The following GTF2IRD1 variants were observed in gnomAD, a reference collection of about 807,000 sequenced individuals.
GTF2IRD1 encodes the protein general transcription factor II-I repeat domain-containing protein 1.
In GTF2IRD1, 26 loss-of-function variants were observed where a neutral mutation model predicts 113.2. The ratio of observed to expected loss-of-function variants is 0.23; its 90% CI spans 0.17 to 0.32. The LOEUF is 0.32. Among genes scored for constraint, GTF2IRD1 ranks in the 10% least tolerant of loss-of-function variants. GTF2IRD1 has a pLI of 1.00. For synonymous variants in GTF2IRD1, 484 were observed against 529.1 expected (o/e 0.91, Z 1.17); for missense variants, 864 against 1,280.8 (o/e 0.67, Z 4.97).
At chr7:74,581,330 T>C (rs1250566279) in intron 22 of GTF2IRD1, among the ~76,000 whole-genome samples, 2 of 152,180 alleles carry the variant, frequency 1.3e-5, no homozygotes, top group Non-Finnish European at 2.9e-5. Context: ...GGCCCATTGC[T>C]GCTTTACAGA....
Position 74,526,714 on chromosome 7 carries a change from T to C in GTF2IRD1, c.1090+2560T>C, listed in dbSNP as rs1229965762. 2.0e-5 allele frequency among the ~76,000 whole-genome samples: 3 copies of C among 149,582 alleles called. No homozygotes were observed. In the Admixed American group the frequency reaches 2.0e-4, roughly 10 times the overall value. On this transcript the variant is annotated intron_variant, in intron 8 of 26. Coordinates refer to ENST00000424337, the MANE Select transcript of GTF2IRD1 (RefSeq NM_005685.4). ...AAAAGACAAGCCCCAATAAACCAGA[T>C]GAACCAGACGGAGACAAATTCACAG...
At chr7:74,544,316 G>C (rs111438713) in intron 14 of GTF2IRD1, among the ~76,000 whole-genome samples, 142 of 152,318 alleles carry the variant, frequency 9.3e-4, no homozygotes, top group African/African-American at 3.3e-3. Flanking sequence ...CTCCCGAGTA[G>C]CTGGGATTAC....
chr7:74,500,398 C>T (rs2129835384), intron 1 of GTF2IRD1, among the ~76,000 whole-genome samples: 1 of 145,182 alleles, frequency 6.9e-6, no homozygotes, highest in Admixed American at 6.9e-5. Flanking sequence ...GCCTGGGAAA[C>T]ATAGTGAGAC....
At chr7:74,473,687 C>G (rs1016352957) in intron 1 of GTF2IRD1, among the ~76,000 whole-genome samples, 1 of 152,034 alleles carries the variant, frequency 6.6e-6, no homozygotes, top group Non-Finnish European at 1.5e-5. Flanking sequence ...GACTGAACCT[C>G]CTGGAGTCTG....
intron 25 of GTF2IRD1, among the ~76,000 whole-genome samples, chr7:74,600,363 G>A (rs1417654541): frequency 6.6e-6 from 1 of 151,974 alleles, no homozygotes; most frequent in Admixed American, 6.6e-5. Flanking sequence ...AAGCTGCAGT[G>A]AGCTACGATT....
At chr7:74,561,247 G>A (rs1433041072) in intron 22 of GTF2IRD1, among the ~76,000 whole-genome samples, 3 of 151,614 alleles carry the variant, frequency 2.0e-5, no homozygotes, top group Admixed American at 2.0e-4. Flanking sequence ...TACTTGGGAG[G>A]CTGAGGCAGG....
At chr7:74,468,848 G>C (rs1192295202) in intron 1 of GTF2IRD1, among the ~76,000 whole-genome samples, 5 of 152,014 alleles carry the variant, frequency 3.3e-5, no homozygotes, top group Admixed American at 3.3e-4. Context: ...ACTTTGGGAG[G>C]CCAAGGCAGG....
chr7:74,564,149 C>T (rs1554359937), intron 22 of GTF2IRD1, among the ~76,000 whole-genome samples: 3 of 152,142 alleles, frequency 2.0e-5, no homozygotes, highest in South Asian at 4.1e-4. Flanking sequence ...GCCTCAGCCT[C>T]CTGAGTAGCT....
chr7:74,481,895 G>A (rs1794759964), intron 1 of GTF2IRD1, among the ~76,000 whole-genome samples: 1 of 152,208 alleles, frequency 6.6e-6, no homozygotes, highest in Non-Finnish European at 1.5e-5. Flanking sequence ...CAAATCGCTT[G>A]GCTGGGAGGA....
intron 14 of GTF2IRD1, among the ~76,000 whole-genome samples, chr7:74,543,139 C>T (rs1306450713): frequency 6.6e-6 from 1 of 152,030 alleles, no homozygotes; most frequent in Non-Finnish European, 1.5e-5. Context: ...TCCGTCTCCA[C>T]TAAAAATACA....
chr7:74,534,381 C>T (rs918192673), intron 9 of GTF2IRD1, among the ~76,000 whole-genome samples: 4 of 152,202 alleles, frequency 2.6e-5, no homozygotes, highest in Non-Finnish European at 4.4e-5. Context: ...GCAGGTGGAT[C>T]ACCTCAAGTC....
chr7:74,468,385 C>T (rs541823541), intron 1 of GTF2IRD1, among the ~76,000 whole-genome samples: 3 of 151,302 alleles, frequency 2.0e-5, no homozygotes, highest in South Asian at 4.2e-4. Context: ...CCAGCCAGGC[C>T]GCAGTGGCTC....
intron 14 of GTF2IRD1, among the ~76,000 whole-genome samples, chr7:74,540,210 G>A (rs1450736826): frequency 6.6e-6 from 1 of 152,248 alleles, no homozygotes; most frequent in East Asian, 1.9e-4. Context: ...GCAGTGGCAC[G>A]ATCTCGGCTC....
In GTF2IRD1 at chr7:74,519,561, T is replaced by C. The variant is rs140630041; in HGVS notation, c.758T>C (p.Met253Thr). The C allele has an allele frequency of 1.5e-4, 236 of 1,612,200 alleles. No homozygotes were observed. In the African/African-American group the frequency reaches 3.0e-3, roughly 20 times the overall value. ...DLPPTATSSS[M>T]ASFLYSTALP... ...CCCCCAACCGCCACCTCCTCCTCCATGGCCAGCTTCCTGTACAGCACGGCG... is the reference window on the plus strand; with the variant it reads ...CCCCCAACCGCCACCTCCTCCTCCACGGCCAGCTTCCTGTACAGCACGGCG... Residue 253 changes from methionine to threonine, a missense_variant, in exon 6 of 27, where the codon ATG (methionine) becomes ACG (threonine). Met to Thr is a moderately conservative substitution (Grantham distance 81). Around this residue, in one of 7 missense-constraint regions of GTF2IRD1, gnomAD observed 195 missense variants for 196.6 expected, o/e 0.99. Coordinates refer to ENST00000424337, the MANE Select transcript of GTF2IRD1 (RefSeq NM_005685.4).
At chr7:74,587,954 A>G (rs1239178935) in intron 22 of GTF2IRD1, among the ~76,000 whole-genome samples, 1 of 152,164 alleles carries the variant, frequency 6.6e-6, no homozygotes, top group African/African-American at 2.4e-5. Flanking sequence ...GACCTTGGTC[A>G]GCGAGCGGTC....
chr7:74,593,375 A>C (rs1554370644), intron 24 of GTF2IRD1, among the ~76,000 whole-genome samples: 3 of 134,456 alleles, frequency 2.2e-5, no homozygotes, highest in Middle Eastern at 3.7e-3. Flanking sequence ...CAGGAGTTCG[A>C]GACCAGCCTG....
Position 74,529,901 on chromosome 7 carries a change from C to A in GTF2IRD1, c.1258C>A (p.His420Asn), listed in dbSNP as rs782014176. ...KRILEERHSI[H>N]FIIKRMFDER... ...GATCCTGGAGGAGCGCCATAGTATCCACTTCATCATTAAGAGGTGCGGGTG... is the reference window on the plus strand; with the variant it reads ...GATCCTGGAGGAGCGCCATAGTATCAACTTCATCATTAAGAGGTGCGGGTG... The change falls in exon 9 of 27, where the codon CAC becomes AAC. Residue 420 changes from histidine (H) to asparagine (N), a missense_variant. Around this residue, in one of 7 missense-constraint regions of GTF2IRD1, gnomAD observed 218 missense variants for 352.6 expected, o/e 0.62. Coordinates refer to ENST00000424337, the MANE Select transcript of GTF2IRD1 (RefSeq NM_005685.4). 17 of 1,613,284 alleles carry A rather than the reference C, an allele frequency of 1.1e-5. No homozygotes were observed. The highest frequency in any genetic ancestry group is 3.3e-5 in the Admixed American group (2 of 59,968).
chr7:74,559,447 C>T lies in GTF2IRD1; in HGVS notation c.2292-180C>T, dbSNP rs587626867. On this transcript the variant is annotated intron_variant, in intron 21 of 26. Transcript: ENST00000424337. ...GAGTGACACTGCCAATGCCAGCACCCTGCCACATTGTCTCAGTGTCCCGCA... is the reference window on the plus strand; with the variant it reads ...GAGTGACACTGCCAATGCCAGCACCTTGCCACATTGTCTCAGTGTCCCGCA... Among the ~76,000 whole-genome samples, 152 of 152,374 alleles carry T rather than the reference C, an allele frequency of 1.0e-3. 3 individuals carry two copies. The South Asian group carries it at 0.031, about 31-fold the overall frequency.
At chr7:74,554,039 C>T (rs1345715816) in intron 17 of GTF2IRD1, among the ~76,000 whole-genome samples, 9 of 152,156 alleles carry the variant, frequency 5.9e-5, no homozygotes, top group Non-Finnish European at 1.3e-4. Flanking sequence ...CTACTGGGGA[C>T]CCCAGGGGTG....
Sources: allele counts gnomAD v4.1 joint callset (sites outside exome capture counted in the v4.1 genomes callset), GRCh38; gene constraint gnomAD v4.1.1; regional missense constraint gnomAD v4.1.1; transcripts MANE v1.5; gene names NCBI Gene and HGNC (gene_info 2026-07-23, HGNC 2026-07-21).